Variants in PDGFA observed in about 807,000 individuals in gnomAD.
PDGFA encodes the protein platelet-derived growth factor subunit A.
In PDGFA, 9 loss-of-function variants were observed where a neutral mutation model predicts 25.6. The observed-to-expected ratio is 0.35, with a 90% CI of 0.21 to 0.61. The LOEUF is 0.61. Among genes scored for constraint, PDGFA ranks in the 20% least tolerant of loss-of-function variants. The pLI, the probability that PDGFA is intolerant of heterozygous loss-of-function variation, is 0.75. For missense variants in PDGFA, 242 were observed against 272.8 expected, an observed-to-expected ratio of 0.89 and a Z score of 0.79; for synonymous variants, 133 against 111.8, an observed-to-expected ratio of 1.19 and a Z score of -1.20.
rs371095533 is a variant in PDGFA at position 500,581 on chromosome 7, ATTTG to A, written c.580+531_580+534del. ...AACTGAAGCAACAAATACCTACGGC[ATTTG>A]TTTATCTTTCCAGAAGAGAAGGCCA... is the stretch of plus-strand genomic sequence containing the variant. On this transcript the variant is annotated intron_variant, in intron 5 of 5. Coordinates refer to ENST00000402802, the Ensembl canonical transcript of PDGFA. This position sits in a 1 kb window ranked among gnomAD's most constrained non-coding sequence, Gnocchi z 5.0. 1.0e-4 allele frequency: 161 copies of A among 1,606,678 alleles called. No homozygotes were observed. The African/African-American group carries it at 2.0e-3, about 20-fold the overall frequency.
At chr7:510,882 T>G (rs758721334) in exon 4 of PDGFA, 2 of 1,611,638 alleles carry the variant, frequency 1.2e-6, no homozygotes, top group South Asian at 2.2e-5. Flanking sequence ...GGTGCAGCGT[T>G]TCACCTCCAC....
chr7:512,693 A>C lies in PDGFA; in HGVS notation c.161-238T>G, dbSNP rs1782909619. The C allele has an allele frequency of 3.5e-6, 5 of 1,438,686 alleles. No homozygotes were observed. The African/African-American group carries it at 4.3e-5, about 12-fold the overall frequency. 89.1% of individuals were successfully genotyped at this position (1,438,686 alleles called of 1,614,324 possible). ...AAACCGCAGAAAACGCCCCGTTAGC[A>C]CAGAGGTCCCCACATTCAGGGGCCC... On this transcript the variant is annotated intron_variant, in intron 2 of 5. Coordinates refer to ENST00000402802, the Ensembl canonical transcript of PDGFA.
intron 5 of PDGFA, among the ~76,000 whole-genome samples, chr7:499,722 C>CCCCA (rs1782242292): frequency 1.3e-5 from 1 of 76,788 alleles, no homozygotes; most frequent in African/African-American, 5.8e-5. Context: ...TTTGCCCTTC[C>CCCCA]CCCCCCCCCC....
intron 4 of PDGFA, among the ~76,000 whole-genome samples, chr7:509,693 G>T (rs575597453): frequency 6.6e-6 from 1 of 152,172 alleles, no homozygotes; most frequent in African/African-American, 2.4e-5. Context: ...ATGGCAGAGC[G>T]AGAAGGTGTC....
At chr7:520,283 C>T (rs1020443054), upstream of PDGFA, 21 of 189,246 alleles carry the variant, frequency 1.1e-4, no homozygotes, top group South Asian at 6.9e-5. Flanking sequence ...GCCCCCGCCC[C>T]GGCGCTCCGG....
intron 4 of PDGFA, among the ~76,000 whole-genome samples, chr7:503,604 G>A (rs1395718491): frequency 6.6e-6 from 1 of 152,152 alleles, no homozygotes; most frequent in East Asian, 1.9e-4. Flanking sequence ...GCATCAGCAG[G>A]GCCCCCAGGG....
intron 4 of PDGFA, among the ~76,000 whole-genome samples, chr7:507,568 G>A (rs963002443): frequency 6.6e-6 from 1 of 152,222 alleles, no homozygotes; most frequent in Non-Finnish European, 1.5e-5. Context: ...GGGTGGGAAG[G>A]GCAGGGGCTG....
intron 4 of PDGFA, among the ~76,000 whole-genome samples, chr7:508,865 G>A (rs912024198): frequency 6.6e-6 from 1 of 152,278 alleles, no homozygotes; most frequent in Non-Finnish European, 1.5e-5. Context: ...ACCCCATCCC[G>A]AAAACGGGAG....
In PDGFA at chr7:501,331, G is replaced by A. The variant is rs1295240833; in HGVS notation, c.454-89C>T. The A allele has an allele frequency of 3.2e-6, 5 of 1,539,636 alleles. No homozygotes were observed. The African/African-American group carries it at 4.1e-5, about 13-fold the overall frequency. ...TGGGAGCCGGGGACAGGCTGAGAGGGAGGAGAGAGCAGCCTGACCCCTGAC... is the reference window on the plus strand; with the variant it reads ...TGGGAGCCGGGGACAGGCTGAGAGGAAGGAGAGAGCAGCCTGACCCCTGAC... On this transcript the variant is annotated intron_variant, in intron 4 of 5. Transcript: ENST00000402802.
intron 4 of PDGFA, among the ~76,000 whole-genome samples, chr7:506,127 T>C (rs9718470): frequency 6.8e-6 from 1 of 147,830 alleles, no homozygotes; most frequent in Non-Finnish European, 1.5e-5. Context: ...AGTGAGCTGA[T>C]ATCGGGCCAC....
At chr7:512,686 C>T (rs1273648673) in intron 2 of PDGFA, 5 of 1,459,414 alleles carry the variant, frequency 3.4e-6, no homozygotes, top group East Asian at 2.6e-5. Context: ...GAAAACGCCC[C>T]GTTAGCACAG....
intron 4 of PDGFA, among the ~76,000 whole-genome samples, chr7:505,979 GC>G (rs1562486890): frequency 6.6e-6 from 1 of 152,114 alleles, no homozygotes; most frequent in Non-Finnish European, 1.5e-5. Flanking sequence ...TTCAAGACCA[GC>G]CTGACCAATA....
intron 3 of PDGFA, among the ~76,000 whole-genome samples, chr7:511,758 A>G (rs1752392123): frequency 1.3e-5 from 2 of 152,030 alleles, no homozygotes; most frequent in Admixed American, 1.3e-4. Context: ...GAACTCCCCA[A>G]ACCTGCTAGT....
rs537717346 is a variant in PDGFA at position 517,904 on chromosome 7, G to C, written c.64-414C>G. Among the ~76,000 whole-genome samples, 107 of 152,290 alleles carry C rather than the reference G, an allele frequency of 7.0e-4. 2 individuals carry two copies. The highest frequency in any genetic ancestry group is 2.5e-3 in the African/African-American group (102 of 41,574). ...TGCGTCACGGGTCGGCGAGAGTCACGGCAGCCCTAACACTTTAATCCAGGC... is the reference window on the plus strand; with the variant it reads ...TGCGTCACGGGTCGGCGAGAGTCACCGCAGCCCTAACACTTTAATCCAGGC... On this transcript the variant is annotated intron_variant, in intron 1 of 5. Transcript: ENST00000402802. The surrounding 1 kb of genome is among the most constrained non-coding windows in gnomAD (Gnocchi z 7.4).
At position 517,458 on chromosome 7, in the gene PDGFA, C is replaced by A; in HGVS notation, c.96G>T (p.Arg32Ser). The A allele has an allele frequency of 7.3e-7, 1 of 1,379,246 alleles. No individual in the cohort carries two copies. The highest frequency in any genetic ancestry group is 2.7e-5 in the Admixed American group (1 of 37,598). 85.4% of individuals were successfully genotyped at this position (1,379,246 alleles called of 1,614,324 possible). The change falls in exon 2 of 6, where the codon AGG becomes AGT. Residue 32 changes from arginine to serine, a missense_variant. By Grantham distance (110) the Arg-to-Ser change is moderately radical (BLOSUM62 -1). Coordinates refer to ENST00000402802, the Ensembl canonical transcript of PDGFA. The surrounding 1 kb of genome is among the most constrained non-coding windows in gnomAD (Gnocchi z 7.4). ...TGCTGTGGATCTGACTGCGGGCCAG[C>A]CTCTCGATCACCTCGCGGGGGATCT...
At chr7:503,482 C>G (rs1288706812) in intron 4 of PDGFA, among the ~76,000 whole-genome samples, 1 of 151,978 alleles carries the variant, frequency 6.6e-6, no homozygotes, top group Non-Finnish European at 1.5e-5. Flanking sequence ...GGCCAGATGC[C>G]CCCAGCCCAG....
chr7:508,559 C>CCAAAAA (rs1782664931), intron 4 of PDGFA, among the ~76,000 whole-genome samples: 16 of 35,664 alleles, frequency 4.5e-4, no homozygotes, highest in Non-Finnish European at 6.9e-4. Context: ...GAAGCTGTCC[C>CCAAAAA]AAAAAAAAAA....
At chr7:511,084 G>T in intron 3 of PDGFA, 88 bp from the exon 4 acceptor site, 1 of 1,007,248 alleles carries the variant, frequency 9.9e-7, no homozygotes, top group Non-Finnish European at 1.5e-6. Flanking sequence ...CTGGGCCTGG[G>T]GGGCAACCAG....
chr7:518,881 G>T, intron 1 of PDGFA, 58 bp downstream of exon 1: 1 of 1,213,672 alleles, frequency 8.2e-7, no homozygotes, highest in Non-Finnish European at 1.1e-6. Flanking sequence ...GCCCCAGCCG[G>T]CGGGGGGTGT....
Sources: allele counts gnomAD v4.1 joint callset (sites outside exome capture counted in the v4.1 genomes callset), GRCh38; gene constraint gnomAD v4.1.1; non-coding constraint Gnocchi (gnomAD v3.1); transcripts MANE v1.5; gene names NCBI Gene and HGNC (gene_info 2026-07-23, HGNC 2026-07-21).